The following NOS1AP variants were observed in gnomAD, a reference collection of about 807,000 sequenced individuals.
NOS1AP encodes the protein nitric oxide synthase 1 adaptor protein, also known as carboxyl-terminal PDZ ligand of neuronal nitric oxide synthase protein.
Under a neutral mutation model 56.2 loss-of-function variants are expected in NOS1AP, and 21 were observed. The observed-to-expected ratio is 0.37, with a 90% CI of 0.26 to 0.54. NOS1AP has a LOEUF of 0.54. Among genes scored for constraint, NOS1AP ranks in the 20% least tolerant of loss-of-function variants. The probability of loss-of-function intolerance (pLI) is 0.84; values close to 1 mark genes in which losing one functional copy is unlikely to be tolerated. For missense variants in NOS1AP, 522 were observed against 657.8 expected (o/e 0.79, Z 2.26); for synonymous variants, 270 against 274.6 (o/e 0.98, Z 0.17).
At chr1:162,335,621 T>A (rs757248747) in intron 5 of NOS1AP, among the ~76,000 whole-genome samples, 22 of 151,936 alleles carry the variant, frequency 1.4e-4, no homozygotes, top group Admixed American at 7.2e-4. Context: ...TGTTGCTGGG[T>A]TGTTGGAAGT....
intron 1 of NOS1AP, among the ~76,000 whole-genome samples, chr1:162,136,798 A>G (rs1649022342): frequency 2.0e-5 from 3 of 152,174 alleles, no homozygotes; most frequent in Non-Finnish European, 2.9e-5. Context: ...CTGTAGTATG[A>G]AGGGAGTTGC....
chr1:162,312,816 CT>C (rs1398799866), intron 4 of NOS1AP, among the ~76,000 whole-genome samples: 1 of 151,814 alleles, frequency 6.6e-6, no homozygotes, highest in Non-Finnish European at 1.5e-5. Context: ...GGATGCAAGG[CT>C]GGTTCAATAT....
intron 4 of NOS1AP, among the ~76,000 whole-genome samples, chr1:162,322,009 C>A (rs999463605): frequency 1.7e-4 from 26 of 152,146 alleles, no homozygotes; most frequent in African/African-American, 6.0e-4. Flanking sequence ...TCCAGCCTTG[C>A]GCAATATATC....
chr1:162,208,529 GACCAGATAA>G (rs1479514831), intron 2 of NOS1AP, among the ~76,000 whole-genome samples: 1 of 152,062 alleles, frequency 6.6e-6, no homozygotes, highest in African/African-American at 2.4e-5. Flanking sequence ...CACCATTTTG[GACCAGATAA>G]TTGTTTGTTG....
chr1:162,355,712 G>A (rs968240084), intron 7 of NOS1AP, among the ~76,000 whole-genome samples: 20 of 152,068 alleles, frequency 1.3e-4, no homozygotes, highest in African/African-American at 4.3e-4. Context: ...CTGTGACTTA[G>A]CTAGTAGAGC....
chr1:162,081,412 G>A (rs1691882545), intron 1 of NOS1AP, among the ~76,000 whole-genome samples: 1 of 152,098 alleles, frequency 6.6e-6, no homozygotes, highest in East Asian at 1.9e-4. Context: ...CTGGAGAATG[G>A]GAAGGAGAGG....
At chr1:162,124,249 C>G (rs1286099706) in intron 1 of NOS1AP, among the ~76,000 whole-genome samples, 1 of 152,108 alleles carries the variant, frequency 6.6e-6, no homozygotes, top group African/African-American at 2.4e-5. Context: ...ATCGTACTCA[C>G]TAGGTAGTTT....
At chr1:162,231,375 G>A (rs1214991192) in intron 2 of NOS1AP, among the ~76,000 whole-genome samples, 1 of 152,034 alleles carries the variant, frequency 6.6e-6, no homozygotes, top group Non-Finnish European at 1.5e-5. Flanking sequence ...TATATAGTCT[G>A]GACATTAACC....
intron 1 of NOS1AP, among the ~76,000 whole-genome samples, chr1:162,092,594 G>A (rs889051099): frequency 2.0e-5 from 3 of 152,056 alleles, no homozygotes; most frequent in Non-Finnish European, 4.4e-5. Context: ...GTTTCTTTGG[G>A]CAAGAAGATA....
At position 162,367,293 on chromosome 1, in the gene NOS1AP, G is replaced by A. The variant is rs1010097460; in HGVS notation, c.1347G>A (p.Leu449=). The A allele has an allele frequency of 5.0e-6, 8 of 1,613,458 alleles. No individual in the cohort carries two copies. The highest frequency in any genetic ancestry group is 3.3e-4 in the Middle Eastern group (2 of 6,062). The change falls in exon 10 of 10, where the codon CTG becomes CTA. Residue 449 remains leucine, a synonymous_variant. Coordinates refer to ENST00000361897, the MANE Select transcript of NOS1AP (RefSeq NM_014697.3). The surrounding 1 kb of genome is among the most constrained non-coding windows in gnomAD (Gnocchi z 6.5). ...CCCCAGCGCAGGGCGAGGCGCTCCTGGGCGGTCTGGAGCTCATCAAGTTCC... is the reference window on the plus strand; with the variant it reads ...CCCCAGCGCAGGGCGAGGCGCTCCTAGGCGGTCTGGAGCTCATCAAGTTCC... ...TPPPAQGEAL[L]GGLELIKFRE... is the part of the protein sequence containing the mutation.
intron 1 of NOS1AP, among the ~76,000 whole-genome samples, chr1:162,104,709 G>A (rs2102034745): frequency 6.6e-6 from 1 of 152,108 alleles, no homozygotes; most frequent in South Asian, 2.1e-4. Flanking sequence ...ACTGATACTT[G>A]TCATTGCATT....
chr1:162,296,575 GT>G (rs1289470306), intron 3 of NOS1AP, among the ~76,000 whole-genome samples: 4 of 152,166 alleles, frequency 2.6e-5, no homozygotes, highest in Non-Finnish European at 5.9e-5. Flanking sequence ...AGTAAAGTAT[GT>G]TTTGGCTTCT....
chr1:162,209,773 C>T (rs776318150), intron 2 of NOS1AP, among the ~76,000 whole-genome samples: 48 of 150,922 alleles, frequency 3.2e-4, no homozygotes, highest in South Asian at 2.1e-4. Flanking sequence ...GAGCTGGGGG[C>T]GGGGGGCAAG....
chr1:162,201,519 A>G (rs1651989625), intron 2 of NOS1AP, among the ~76,000 whole-genome samples: 2 of 152,152 alleles, frequency 1.3e-5, no homozygotes, highest in African/African-American at 2.4e-5. Context: ...TCTTTGAGGG[A>G]TTGCCACACC....
At chr1:162,166,366 T>C (rs1321041120) in intron 2 of NOS1AP, among the ~76,000 whole-genome samples, 1 of 152,240 alleles carries the variant, frequency 6.6e-6, no homozygotes, top group African/African-American at 2.4e-5. Context: ...CACAGCAGCA[T>C]ATTATAGGTC....
At chr1:162,224,931 G>A (rs906702850) in intron 2 of NOS1AP, among the ~76,000 whole-genome samples, 2 of 152,190 alleles carry the variant, frequency 1.3e-5, no homozygotes, top group Non-Finnish European at 2.9e-5. Flanking sequence ...GGGCCCCCGG[G>A]AAGTCTTAAA....
intron 3 of NOS1AP, among the ~76,000 whole-genome samples, chr1:162,290,537 C>T (rs780539075): frequency 2.0e-5 from 3 of 152,184 alleles, no homozygotes; most frequent in Non-Finnish European, 4.4e-5. Context: ...AAATGGAATA[C>T]TTGGCAAATG....
chr1:162,162,857 T>A (rs1381326403), intron 2 of NOS1AP, among the ~76,000 whole-genome samples: 1 of 152,150 alleles, frequency 6.6e-6, no homozygotes, highest in Non-Finnish European at 1.5e-5. Flanking sequence ...CAGTGAGTTT[T>A]AGTATATTCT....
At chr1:162,183,942 T>C (rs1294244505) in intron 2 of NOS1AP, among the ~76,000 whole-genome samples, 1 of 152,236 alleles carries the variant, frequency 6.6e-6, no homozygotes, top group Admixed American at 6.5e-5. Flanking sequence ...TTCTTTGCAT[T>C]CACATCTTGG....
Sources: allele counts gnomAD v4.1 joint callset (sites outside exome capture counted in the v4.1 genomes callset), GRCh38; gene constraint gnomAD v4.1.1; non-coding constraint Gnocchi (gnomAD v3.1); transcripts MANE v1.5; gene names NCBI Gene and HGNC (gene_info 2026-07-23, HGNC 2026-07-21).